The following LYN variants were observed in gnomAD, a reference collection of about 807,000 sequenced individuals.
The protein encoded by LYN is tyrosine-protein kinase Lyn.
Under a neutral mutation model 65.0 loss-of-function variants are expected in LYN, and 12 were observed. The observed-to-expected ratio is 0.18, with a 90% CI of 0.12 to 0.30. The LOEUF is 0.30. Ranked by LOEUF, LYN falls within the 10% of genes least tolerant of loss-of-function variation. The pLI, the probability that LYN is intolerant of heterozygous loss-of-function variation, is 1.00. For missense variants in LYN, 380 were observed against 623.2 expected (o/e 0.61, Z 4.16); for synonymous variants, 222 against 221.2 (o/e 1.00, Z -0.03).
intron 6 of LYN, among the ~76,000 whole-genome samples, chr8:55,951,482 TAGCAAG>T (rs1806946063): frequency 6.6e-6 from 1 of 151,976 alleles, no homozygotes; most frequent in Non-Finnish European, 1.5e-5. Context: ...CTGGGCAACA[TAGCAAG>T]AGCCTGTTTC....
At chr8:55,954,153 A>G (rs754750038) in intron 8 of LYN, among the ~76,000 whole-genome samples, 169 bp downstream of exon 8, 6 of 152,166 alleles carry the variant, frequency 3.9e-5, no homozygotes, top group African/African-American at 9.7e-5. Flanking sequence ...TGCAAAATCT[A>G]TTTACTTCAG....
At chr8:55,933,764 T>A (rs922470363) in intron 1 of LYN, among the ~76,000 whole-genome samples, 1 of 152,256 alleles carries the variant, frequency 6.6e-6, no homozygotes, top group African/African-American at 2.4e-5. Flanking sequence ...CTGTTCTAGA[T>A]GCCAATCTTC....
intron 1 of LYN, among the ~76,000 whole-genome samples, chr8:55,900,048 A>G (rs920672831): frequency 2.0e-5 from 3 of 152,198 alleles, no homozygotes; most frequent in African/African-American, 7.2e-5. Context: ...CTCAAGCTTA[A>G]CTACTGCTCC....
At chr8:55,956,319 T>G (rs6988900) in intron 8 of LYN, among the ~76,000 whole-genome samples, 4,719 of 152,276 alleles carry the variant, frequency 0.031, 134 homozygotes, top group African/African-American at 0.075. Context: ...CACCTGAGAT[T>G]AAGTGCAGAC....
At chr8:55,988,324 G>A (rs1808139733) in intron 10 of LYN, among the ~76,000 whole-genome samples, 1 of 151,570 alleles carries the variant, frequency 6.6e-6, no homozygotes, top group Non-Finnish European at 1.5e-5. Context: ...GTGTGTGTGT[G>A]TGTGTTTACA....
intron 1 of LYN, among the ~76,000 whole-genome samples, chr8:55,907,137 A>G (rs1466639188): frequency 1.3e-5 from 2 of 152,214 alleles, no homozygotes; most frequent in Non-Finnish European, 2.9e-5. Context: ...GTCCAGTTCT[A>G]TATATGGCAG....
intron 1 of LYN, among the ~76,000 whole-genome samples, chr8:55,914,099 GGT>G (rs139072307): frequency 6.6e-6 from 1 of 150,386 alleles, no homozygotes; most frequent in East Asian, 1.9e-4. Flanking sequence ...GGTTGTTGTT[GGT>G]GTGTGTGTGT....
chr8:55,889,848 C>G (rs1338968478), intron 1 of LYN, among the ~76,000 whole-genome samples: 1 of 152,142 alleles, frequency 6.6e-6, no homozygotes, highest in Non-Finnish European at 1.5e-5. Flanking sequence ...TGGCAAGGTG[C>G]TGGCCTTGCT....
At chr8:55,990,239 CAAAAAAAAAAAA>C (rs34461698) in intron 10 of LYN, among the ~76,000 whole-genome samples, 6 of 45,400 alleles carry the variant, frequency 1.3e-4, no homozygotes, top group Non-Finnish European at 1.6e-4. Flanking sequence ...ACTCTGCCTC[CAAAAAAAAAAAA>C]AAAAAAAAAA....
In LYN at chr8:56,012,795, G is replaced by T. The variant is rs1372128779; in HGVS notation, c.*2685G>T. ...GCTCAGTCTTGAGAGTCACCATTTG[G>T]TTTGACCCATATTACAAAGCCCAGC... On this transcript the variant is annotated 3_prime_UTR_variant, in exon 13 of 13. Transcript: ENST00000519728. 6.6e-6 allele frequency: 1 copy of T among 152,106 alleles called. No homozygotes were observed. Among genetic ancestry groups the T allele is most frequent in the Non-Finnish European group, 1.5e-5 (1 of 68,028 alleles). The allele number at this position is 152,106 out of a possible 1,614,324, so 9.4% of individuals were successfully genotyped here.
chr8:55,995,846 G>A (rs748907503), intron 10 of LYN, among the ~76,000 whole-genome samples: 2 of 152,152 alleles, frequency 1.3e-5, no homozygotes, highest in Non-Finnish European at 2.9e-5. Context: ...GTTTCCACTC[G>A]GAAGTGAAAT....
At chr8:55,939,136 G>T (rs942793923) in intron 1 of LYN, among the ~76,000 whole-genome samples, 2 of 152,138 alleles carry the variant, frequency 1.3e-5, no homozygotes, top group African/African-American at 4.8e-5. Flanking sequence ...GGAATTGCAA[G>T]ACCTGTTCTG....
chr8:55,880,903 G>T (rs899344579), intron 1 of LYN, among the ~76,000 whole-genome samples: 1 of 152,222 alleles, frequency 6.6e-6, no homozygotes, highest in Non-Finnish European at 1.5e-5. Context: ...CTTTCCAACA[G>T]CCTGCCTGTC....
chr8:55,961,300 GT>G (rs1240956784), intron 8 of LYN, among the ~76,000 whole-genome samples: 5 of 152,048 alleles, frequency 3.3e-5, no homozygotes, highest in East Asian at 1.9e-4. Context: ...AGCTCAAAAA[GT>G]TTTTTTTAAC....
At chr8:55,923,377 C>CTCTG (rs1336759725) in intron 1 of LYN, among the ~76,000 whole-genome samples, 2 of 152,148 alleles carry the variant, frequency 1.3e-5, no homozygotes, top group Admixed American at 1.3e-4. Context: ...GCTACACCTG[C>CTCTG]TCTGTCCTAA....
intron 1 of LYN, among the ~76,000 whole-genome samples, chr8:55,911,285 ATTT>A (rs1209633804): frequency 7.9e-4 from 22 of 27,758 alleles, no homozygotes; most frequent in East Asian, 2.4e-3. Flanking sequence ...ATATATATAT[ATTT>A]TTTTTTTTTT....
intron 1 of LYN, among the ~76,000 whole-genome samples, chr8:55,889,248 T>G (rs333618): frequency 0.11 from 16,356 of 152,160 alleles, 1,019 homozygotes; most frequent in African/African-American, 0.17. Context: ...GACCAGGCTG[T>G]AACCCCAGGC....
At chr8:55,911,750 G>A (rs1015858541) in intron 1 of LYN, among the ~76,000 whole-genome samples, 2 of 152,134 alleles carry the variant, frequency 1.3e-5, no homozygotes, top group African/African-American at 2.4e-5. Flanking sequence ...GGTTTTGCAT[G>A]TCCGTGGAAA....
chr8:55,934,267 A>G (rs1400430714), intron 1 of LYN, among the ~76,000 whole-genome samples: 1 of 152,230 alleles, frequency 6.6e-6, no homozygotes, highest in Non-Finnish European at 1.5e-5. Flanking sequence ...CACAGCAAAC[A>G]GAAGATAAAA....
Sources: gnomAD v4.1 joint callset for allele counts (sites outside exome capture counted in the v4.1 genomes callset) on GRCh38, gnomAD v4.1.1 for gene constraint, MANE v1.5 for transcripts, NCBI Gene and HGNC (gene_info 2026-07-23, HGNC 2026-07-21) for gene names.